The following SIK2 variants were observed in gnomAD, a reference collection of about 807,000 sequenced individuals.
The protein encoded by SIK2 is serine/threonine-protein kinase SIK2.
Under a neutral mutation model 103.2 loss-of-function variants are expected in SIK2, and 29 were observed. That is an observed-to-expected ratio of 0.28 (90% CI 0.21 to 0.38). The LOEUF is 0.38. Among genes scored for constraint, SIK2 ranks in the 10% least tolerant of loss-of-function variants. The probability of loss-of-function intolerance (pLI) is 1.00; values close to 1 mark genes in which losing one functional copy is unlikely to be tolerated. For synonymous variants in SIK2, 412 were observed against 446.1 expected (o/e 0.92, Z 0.96); for missense variants, 879 against 1,171.0 (o/e 0.75, Z 3.64).
At chr11:111,716,857 G>A (rs1943655025) in intron 9 of SIK2, among the ~76,000 whole-genome samples, 2 of 152,116 alleles carry the variant, frequency 1.3e-5, no homozygotes, top group Non-Finnish European at 2.9e-5. Flanking sequence ...CCCACAGAAT[G>A]AGAGAACATT....
At chr11:111,626,693 G>T (rs1941965305) in intron 3 of SIK2, among the ~76,000 whole-genome samples, 2 of 135,672 alleles carry the variant, frequency 1.5e-5, no homozygotes. Context: ...GAGTTTTCTA[G>T]TAATGACCAT....
In SIK2 at chr11:111,602,961, C is replaced by T. The variant is rs1464471323; in HGVS notation, c.135+263C>T. 1.3e-5 allele frequency among the ~76,000 whole-genome samples: 2 copies of T among 152,132 alleles called. No individual in the cohort carries two copies. Among genetic ancestry groups the T allele is most frequent in the Non-Finnish European group, 2.9e-5 (2 of 67,982 alleles). On this transcript the variant is annotated intron_variant, in intron 1 of 14. Transcript: ENST00000304987. The surrounding 1 kb of genome is among the most constrained non-coding windows in gnomAD (Gnocchi z 4.5). The stretch of plus-strand genomic sequence containing the variant: ...GGGCTTTGCTTTCCCCTACGCCACC[C>T]CCGGTGGCCACCCGGAATTTCGCCC...
At chr11:111,608,637 A>G (rs1181885340) in intron 1 of SIK2, among the ~76,000 whole-genome samples, 1 of 152,254 alleles carries the variant, frequency 6.6e-6, no homozygotes, top group Non-Finnish European at 1.5e-5. Context: ...TGTAAAGCAT[A>G]GTTAAATAGT....
At chr11:111,607,725 C>T (rs986570194) in intron 1 of SIK2, among the ~76,000 whole-genome samples, 1 of 152,056 alleles carries the variant, frequency 6.6e-6, no homozygotes, top group Non-Finnish European at 1.5e-5. Flanking sequence ...GTTTTTGGCA[C>T]CCCAGACAAA....
Position 111,602,576 on chromosome 11 carries a change from G to A in SIK2, c.13G>A (p.Asp5Asn). The stretch of plus-strand genomic sequence containing the variant: ...AGCGGGGCCCAGCATGGTCATGGCG[G>A]ATGGCCCGAGGCACTTGCAGCGCGG... MVMADGPRHLQRGPV... is the reference protein window; with the variant it reads MVMANGPRHLQRGPV... The change falls in exon 1 of 15, where the codon GAT becomes AAT. Residue 5 changes from aspartate (D) to asparagine (N), a missense_variant. By Grantham distance (23) the Asp-to-Asn change is conservative (BLOSUM62 1). Transcript: ENST00000304987. This position sits in a 1 kb window ranked among gnomAD's most constrained non-coding sequence, Gnocchi z 4.5. 6.5e-7 allele frequency: 1 copy of A among 1,526,880 alleles called. No individual in the cohort carries two copies. The highest frequency in any genetic ancestry group is 8.8e-7 in the Non-Finnish European group (1 of 1,137,330). 94.6% of individuals were successfully genotyped at this position (1,526,880 alleles called of 1,614,324 possible).
chr11:111,674,770 G>A (rs1942680435), intron 3 of SIK2, among the ~76,000 whole-genome samples: 2 of 149,238 alleles, frequency 1.3e-5, no homozygotes, highest in South Asian at 4.3e-4. Flanking sequence ...TTTTTGAGAC[G>A]GAGTCTCGTT....
rs1265623675 is a variant in SIK2, at chr11:111,724,858, T to C, written c.*729T>C. Reference sequence around the variant, plus strand: ...CTCAGGACTCCAGAGGTGTCACACGTGGAACTGACAGGAGACCCGCCACCG... The same window carrying C: ...CTCAGGACTCCAGAGGTGTCACACGCGGAACTGACAGGAGACCCGCCACCG... On this transcript the variant is annotated 3_prime_UTR_variant, in exon 15 of 15. Transcript: ENST00000304987. 1 of 152,188 alleles carries C rather than the reference T, an allele frequency of 6.6e-6. No homozygotes were observed. The highest frequency in any genetic ancestry group is 6.6e-5 in the Admixed American group (1 of 15,266). 9.4% of individuals were successfully genotyped at this position (152,188 alleles called of 1,614,324 possible).
chr11:111,614,047 G>C (rs1941767432), intron 1 of SIK2, among the ~76,000 whole-genome samples: 1 of 151,162 alleles, frequency 6.6e-6, no homozygotes, highest in African/African-American at 2.4e-5. Flanking sequence ...ACCCCCCTCG[G>C]GGGTCAGTTG....
Position 111,719,831 on chromosome 11 carries a change from G to T in SIK2, c.1323G>T (p.Gln441His). The change falls in exon 10 of 15, where the codon CAG becomes CAT. Residue 441 changes from glutamine (Q) to histidine (H), a missense_variant. Coordinates refer to ENST00000304987, the MANE Select transcript of SIK2 (RefSeq NM_015191.3). Reference sequence around the variant, plus strand: ...CTGTCCTGGTGCGGAAGGGATGCCAGTCACTGCCCAGCAACATGATGGAGA... The same window carrying T: ...CTGTCCTGGTGCGGAAGGGATGCCATTCACTGCCCAGCAACATGATGGAGA... ...VPPVLVRKGC[Q>H]SLPSNMMETS... 6.2e-7 allele frequency: 1 copy of T among 1,614,156 alleles called. No individual in the cohort carries two copies. Among genetic ancestry groups the T allele is most frequent in the South Asian group, 1.1e-5 (1 of 91,078 alleles).
intron 3 of SIK2, among the ~76,000 whole-genome samples, chr11:111,662,612 C>T (rs1398618755): frequency 2.0e-5 from 3 of 152,050 alleles, no homozygotes; most frequent in Non-Finnish European, 2.9e-5. Flanking sequence ...CACAGTGGCT[C>T]ACGCCTGTAA....
intron 3 of SIK2, chr11:111,672,014 T>G: frequency 1.9e-6 from 1 of 519,838 alleles, no homozygotes; most frequent in South Asian, 1.4e-5. Flanking sequence ...TGCAGGAGGC[T>G]CCACTTGGTC....
At chr11:111,638,613 T>A (rs1000368854) in intron 3 of SIK2, among the ~76,000 whole-genome samples, 8 of 152,116 alleles carry the variant, frequency 5.3e-5, no homozygotes, top group Non-Finnish European at 1.2e-4. Flanking sequence ...TTGTTCTTTT[T>A]CCTGTTTCCT....
chr11:111,618,611 C>G (rs1052827770), intron 2 of SIK2, among the ~76,000 whole-genome samples: 3 of 152,100 alleles, frequency 2.0e-5, no homozygotes, highest in African/African-American at 7.2e-5. Context: ...TGTAGTACAC[C>G]TTAATTGCAC....
chr11:111,693,616 A>G (rs757828532), intron 4 of SIK2, among the ~76,000 whole-genome samples: 4 of 152,218 alleles, frequency 2.6e-5, no homozygotes, highest in African/African-American at 7.2e-5. Context: ...GTTTATAATA[A>G]ATACTTAAAT....
At position 111,724,046 on chromosome 11, in the gene SIK2, C is replaced by G. The variant is rs750834129; in HGVS notation, c.2698C>G (p.Leu900Val). Residue 900 changes from leucine (L) to valine (V), a missense_variant, in exon 15 of 15, where the codon CTC becomes GTC. Transcript: ENST00000304987. ...EAPSSYDPLA[L>V]SELPGLFDCE... ...CCCCTCCAGCTACGACCCACTAGCC[C>G]TCTCTGAGCTACCTGGACTCTTTGA... The G allele has an allele frequency of 1.7e-5, 27 of 1,614,042 alleles. No individual in the cohort carries two copies. The South Asian group carries it at 2.9e-4, about 17-fold the overall frequency.
rs1445996602 is a variant in SIK2 at position 111,729,273 on chromosome 11, A to AGAT, written c.*5145_*5147dup. The AGAT allele has an allele frequency of 1.3e-5, 2 of 152,294 alleles. No homozygotes were observed. The highest frequency in any genetic ancestry group is 2.9e-5 in the Non-Finnish European group (2 of 68,116). The allele number at this position is 152,294 out of a possible 1,614,324, so 9.4% of individuals were successfully genotyped here. Reference sequence around the variant, plus strand: ...CAGACTCAGGCACACACTGGGGCACAGATAGAGAACCAGGCGGCAGCAGTG... The same window carrying AGAT: ...CAGACTCAGGCACACACTGGGGCACAGATGATAGAGAACCAGGCGGCAGCAGTG... On this transcript the variant is annotated 3_prime_UTR_variant, in exon 15 of 15. Transcript: ENST00000304987.
chr11:111,609,735 A>G (rs942154408), intron 1 of SIK2, among the ~76,000 whole-genome samples: 2 of 152,198 alleles, frequency 1.3e-5, no homozygotes, highest in Admixed American at 6.5e-5. Context: ...AGAATTCTCT[A>G]TTTTACTACT....
intron 3 of SIK2, among the ~76,000 whole-genome samples, chr11:111,629,983 G>T (rs1942016147): frequency 1.3e-5 from 2 of 152,112 alleles, no homozygotes; most frequent in Non-Finnish European, 1.5e-5. Flanking sequence ...CAAGAAAAAT[G>T]AAAACAAGTG....
At chr11:111,658,828 G>T (rs1269952594) in intron 3 of SIK2, among the ~76,000 whole-genome samples, 2 of 152,166 alleles carry the variant, frequency 1.3e-5, no homozygotes, top group Non-Finnish European at 2.9e-5. Flanking sequence ...AATGAAATGG[G>T]TCAGTACTAA....
Sources: gnomAD v4.1 joint callset for allele counts (sites outside exome capture counted in the v4.1 genomes callset) on GRCh38, gnomAD v4.1.1 for gene constraint, Gnocchi (gnomAD v3.1) non-coding constraint, MANE v1.5 for transcripts, NCBI Gene and HGNC (gene_info 2026-07-23, HGNC 2026-07-21) for gene names.